CDH15: variants seen among roughly 807,000 people sequenced by gnomAD.
CDH15 encodes the protein cadherin-15.
A neutral mutation model predicts 69.4 loss-of-function variants in CDH15; 73 were observed. The observed-to-expected ratio is 1.05, with a 90% confidence interval of 0.87 to 1.28. The LOEUF is 1.28. Ranked by LOEUF, CDH15 falls within the 50% of genes most tolerant of loss-of-function variation. CDH15 has a pLI of 0.00. For synonymous variants in CDH15, 624 were observed against 507.7 expected, an observed-to-expected ratio of 1.23 and a Z score of -3.08; for missense variants, 1,343 against 1,133.6, an observed-to-expected ratio of 1.18 and a Z score of -2.65.
In CDH15 at chr16:89,191,815, C is replaced by T. The variant is rs762191619; in HGVS notation, c.1536C>T (p.Pro512=). 1.9e-6 allele frequency: 3 copies of T among 1,604,752 alleles called. No individual in the cohort carries two copies. Among genetic ancestry groups the T allele is most frequent in the South Asian group, 1.1e-5 (1 of 90,892 alleles). ...GCGCCACGGATGAGGACCTGCCCCCCCACGGGGCCCCCTTCCACTTCCAGC... is the reference window on the plus strand; with the variant it reads ...GCGCCACGGATGAGGACCTGCCCCCTCACGGGGCCCCCTTCCACTTCCAGC... ...LLGATDEDLP[P]HGAPFHFQLS... The change falls in exon 10 of 14, where the codon CCC becomes CCT. Residue 512 remains proline, a synonymous_variant. Transcript: ENST00000289746.
At chr16:89,185,435 C>A in intron 5 of CDH15, 102 bp downstream of exon 5, 1 of 1,289,372 alleles carries the variant, frequency 7.8e-7, no homozygotes. Context: ...GCTCCTGTCC[C>A]TGCCGTCACT....
intron 3 of CDH15, chr16:89,182,545 G>C (rs1432166566): frequency 1.3e-5 from 2 of 151,936 alleles, no homozygotes; most frequent in Non-Finnish European, 2.9e-5. Context: ...GGGAGGCTGA[G>C]GCAGGAGAAT....
intron 4 of CDH15, 56 bp from the exon 5 acceptor site, chr16:89,185,116 GC>G (rs1202041634): frequency 7.2e-6 from 11 of 1,524,826 alleles, no homozygotes; most frequent in Non-Finnish European, 9.7e-6. Flanking sequence ...CCCTCACAAT[GC>G]CCCCAGCCCA....
In CDH15 at chr16:89,179,918, G is replaced by A. The variant is rs181314416; in HGVS notation, c.202-282G>A. 2.0e-5 allele frequency among the ~76,000 whole-genome samples: 3 copies of A among 152,336 alleles called. No individual in the cohort carries two copies. The East Asian group carries it at 5.8e-4, about 29-fold the overall frequency. On this transcript the variant is annotated intron_variant, in intron 2 of 13. Transcript: ENST00000289746. ...GAGGTGAAGGTGAACTGCCTTGCGTGGGCCTCAGCTTCACATACCCAAAAT... is the reference window on the plus strand; with the variant it reads ...GAGGTGAAGGTGAACTGCCTTGCGTAGGCCTCAGCTTCACATACCCAAAAT...
intron 4 of CDH15, 122 bp from the exon 5 acceptor site, chr16:89,185,051 C>A: frequency 2.2e-6 from 2 of 929,024 alleles, no homozygotes; most frequent in Non-Finnish European, 1.7e-6. Flanking sequence ...ACTGCCCCAT[C>A]TGGGGTCAGC....
chr16:89,191,578 T>G (rs1180357620), intron 9 of CDH15, 77 bp from the exon 10 acceptor site: 8 of 1,576,544 alleles, frequency 5.1e-6, no homozygotes, highest in Non-Finnish European at 6.0e-6. Context: ...GGCTCAGAGC[T>G]GCGCACCCGC....
At chr16:89,177,675 A>G (rs1915288043) in intron 1 of CDH15, among the ~76,000 whole-genome samples, 1 of 151,884 alleles carries the variant, frequency 6.6e-6, no homozygotes, top group Admixed American at 6.5e-5. Flanking sequence ...TGCTGCCCTC[A>G]CCAAGTTCAG....
intron 1 of CDH15, among the ~76,000 whole-genome samples, chr16:89,176,682 A>G (rs562400642): frequency 6.7e-6 from 1 of 150,072 alleles, no homozygotes; most frequent in African/African-American, 2.5e-5. Context: ...GTCCAGATGA[A>G]GGAGCTCAGG....
chr16:89,192,530 T>A, intron 11 of CDH15, 86 bp downstream of exon 11: 2 of 1,472,968 alleles, frequency 1.4e-6, no homozygotes, highest in Non-Finnish European at 1.8e-6. Context: ...GCCACGCCGC[T>A]TCCTCCCCAG....
chr16:89,181,102 T>G (rs538664810), intron 3 of CDH15, among the ~76,000 whole-genome samples: 1 of 152,220 alleles, frequency 6.6e-6, no homozygotes, highest in East Asian at 1.9e-4. Flanking sequence ...CCTGAGTATC[T>G]GGGATTACAG....
chr16:89,192,389 AG>A lies in CDH15; in HGVS notation c.1802del (p.Gly601AlafsTer78). ...CCGCAGCGCTGCTGGCGGGGGGCAC[AG>A]GCCTCAGCCTGGGCGCACTGGTCAT... ...GAAALLAGGT[G>X]LSLGALVIVL... is the part of the protein sequence containing the mutation. On this transcript the variant is annotated frameshift_variant, in exon 11 of 14. Transcript: ENST00000289746. LOFTEE classifies it high-confidence loss of function. 6.5e-7 allele frequency: 1 copy of A among 1,538,006 alleles called. No homozygotes were observed. Among genetic ancestry groups the A allele is most frequent in the South Asian group, 1.2e-5 (1 of 84,372 alleles).
chr16:89,176,124 G>C (rs1915250469), intron 1 of CDH15, among the ~76,000 whole-genome samples: 1 of 152,266 alleles, frequency 6.6e-6, no homozygotes, highest in South Asian at 2.1e-4. Context: ...GGTTCGGCCT[G>C]ACAGGCTTCC....
intron 5 of CDH15, chr16:89,186,165 A>G (rs1915481623): frequency 7.9e-6 from 1 of 126,528 alleles, no homozygotes. Flanking sequence ...AGCACACAGT[A>G]GGTGCTCTGT....
rs560628628 is a variant in CDH15 at position 89,185,391 on chromosome 16, G to A, written c.663+58G>A. The A allele has an allele frequency of 4.3e-5, 65 of 1,529,140 alleles. 2 individuals carry two copies. The African/African-American group carries it at 7.7e-4, about 18-fold the overall frequency. The allele number at this position is 1,529,140 out of a possible 1,614,324, so 94.7% of individuals were successfully genotyped here. On this transcript the variant is annotated intron_variant, in intron 5 of 13. Transcript: ENST00000289746. ...ACGGCCAGGGCAGCCCATCTCCTGC[G>A]GGTCCCTCTGCCCCCAGCCTGCCCA...
chr16:89,176,896 G>A (rs77698824), intron 1 of CDH15, among the ~76,000 whole-genome samples: 2 of 152,076 alleles, frequency 1.3e-5, no homozygotes, highest in African/African-American at 4.8e-5. Context: ...CCCCCTGCCC[G>A]ACATGGCAGC....
At chr16:89,183,478 C>A in intron 3 of CDH15, 70 bp from the exon 4 acceptor site, 1 of 1,571,720 alleles carries the variant, frequency 6.4e-7, no homozygotes, top group African/African-American at 1.3e-5. Context: ...CTGTCTCTTT[C>A]GCATGGCCCT....
intron 11 of CDH15, among the ~76,000 whole-genome samples, 161 bp downstream of exon 11, chr16:89,192,605 T>C (rs1597312933): frequency 2.1e-5 from 1 of 48,044 alleles, no homozygotes; most frequent in South Asian, 6.9e-4. Flanking sequence ...CAGCTCCGCC[T>C]CCTCCCTAAC....
chr16:89,190,655 C>T (rs1251641774), intron 8 of CDH15, among the ~76,000 whole-genome samples, 159 bp downstream of exon 8: 3 of 152,128 alleles, frequency 2.0e-5, no homozygotes, highest in Non-Finnish European at 2.9e-5. Flanking sequence ...CGAGCATGCC[C>T]GTGTGTGCAT....
In CDH15 at chr16:89,180,447, C is replaced by T. The variant is rs148904837; in HGVS notation, c.357+92C>T. The T allele has an allele frequency of 7.1e-4, 1,002 of 1,410,462 alleles. 3 individuals are homozygous for T. In the African/African-American group the frequency reaches 0.013, roughly 18 times the overall value. The allele number at this position is 1,410,462 out of a possible 1,614,324, so 87.4% of individuals were successfully genotyped here. A position where few individuals can be genotyped will look rare whatever the true frequency, so the allele number is the denominator to read the frequency against. On this transcript the variant is annotated intron_variant, in intron 3 of 13. Transcript: ENST00000289746. ...CCCCACCAGGCTTCTCCTCCCCGCT[C>T]GGTGGGCTTCAGGCCAGACTGCAAG...
Sources: allele counts gnomAD v4.1 joint callset (sites outside exome capture counted in the v4.1 genomes callset), GRCh38; gene constraint gnomAD v4.1.1; transcripts MANE v1.5; gene names NCBI Gene and HGNC (gene_info 2026-07-23, HGNC 2026-07-21).